The following FDFT1 variants were observed in gnomAD, a reference collection of about 807,000 sequenced individuals.
FDFT1 encodes squalene synthase.
In FDFT1, 68 loss-of-function variants were observed where a neutral mutation model predicts 46.8. The ratio of observed to expected loss-of-function variants is 1.45; its 90% confidence interval spans 1.19 to 1.78. The LOEUF (loss-of-function observed/expected upper bound fraction) is 1.78. Among genes scored for constraint, FDFT1 ranks in the 40% most tolerant of loss-of-function variants. The pLI, the probability that FDFT1 is intolerant of heterozygous loss-of-function variation, is 0.00. For synonymous variants in FDFT1, 351 were observed against 185.1 expected (o/e 1.90, Z -7.28); for missense variants, 928 against 524.4 (o/e 1.77, Z -7.52).
upstream of FDFT1, chr8:11,802,609 C>T (rs941330472): frequency 3.3e-6 from 2 of 597,268 alleles, no homozygotes; most frequent in South Asian, 1.8e-5. Context: ...GCGGCCCTGG[C>T]CAATCAGCGC....
At position 11,838,369 on chromosome 8, in the gene FDFT1, T is replaced by C; in HGVS notation, c.1033-19T>C. 1.3e-6 allele frequency: 2 copies of C among 1,598,994 alleles called. No individual in the cohort carries two copies. Among genetic ancestry groups the C allele is most frequent in the South Asian group, 1.1e-5 (1 of 90,760 alleles). The stretch of plus-strand genomic sequence containing the variant: ...GTAAAGCACATAGCACTTATCATTT[T>C]TTCCTGTGTCTTTAACAGATTTATC... On this transcript the variant is annotated intron_variant, in intron 7 of 7. Coordinates refer to ENST00000220584, the MANE Select transcript of FDFT1 (RefSeq NM_004462.5).
At chr8:11,812,339 C>G (rs1410838139) in intron 3 of FDFT1, among the ~76,000 whole-genome samples, 1 of 152,226 alleles carries the variant, frequency 6.6e-6, no homozygotes, top group East Asian at 1.9e-4. Flanking sequence ...TGACTGTGCC[C>G]TTGGGCCTGA....
At chr8:11,804,054 C>T (rs940357588) in intron 1 of FDFT1, among the ~76,000 whole-genome samples, 8 of 152,162 alleles carry the variant, frequency 5.3e-5, no homozygotes, top group African/African-American at 1.7e-4. Flanking sequence ...TATTTGACGA[C>T]CAGTTGTATA....
intron 3 of FDFT1, among the ~76,000 whole-genome samples, chr8:11,818,978 C>T (rs1019111290): frequency 3.9e-5 from 6 of 152,212 alleles, no homozygotes; most frequent in African/African-American, 1.2e-4. Flanking sequence ...CATGTTTTTG[C>T]AGTGGCTGGT....
chr8:11,836,199 A>AG (rs1475512667), intron 7 of FDFT1, among the ~76,000 whole-genome samples: 1 of 151,758 alleles, frequency 6.6e-6, no homozygotes, highest in Non-Finnish European at 1.5e-5. Flanking sequence ...TACTTACCTG[A>AG]GAAACTATTC....
intron 4 of FDFT1, 54 bp downstream of exon 4, chr8:11,821,932 C>T: frequency 6.3e-7 from 1 of 1,587,242 alleles, no homozygotes; most frequent in Non-Finnish European, 8.6e-7. Context: ...AGCTGGCAGT[C>T]CTCATAGTGA....
intron 3 of FDFT1, among the ~76,000 whole-genome samples, chr8:11,812,673 C>T (rs112140907): frequency 6.6e-6 from 1 of 152,218 alleles, no homozygotes; most frequent in Non-Finnish European, 1.5e-5. Flanking sequence ...TTTTTAGCTA[C>T]ATATAGTATG....
rs1402822369 is a variant in FDFT1, at chr8:11,808,252, G to C, written c.100-542G>C. ...GTAGAGTTTGGTCTAGGGAGACTCT[G>C]TCACTGGGAGGACGAGCGAGCCGCT... On this transcript the variant is annotated intron_variant, in intron 1 of 7. Transcript: ENST00000220584. 5 of 1,206,380 alleles carry C rather than the reference G, an allele frequency of 4.1e-6. No homozygotes were observed. In the African/African-American group the frequency reaches 6.3e-5, roughly 15 times the overall value. The allele number at this position is 1,206,380 out of a possible 1,614,324, so 74.7% of individuals were successfully genotyped here. A position where few individuals can be genotyped will look rare whatever the true frequency, so the allele number is the denominator to read the frequency against.
chr8:11,795,712 C>G (rs144838303), exon 1 of FDFT1: 4 of 152,202 alleles, frequency 2.6e-5, no homozygotes, highest in Non-Finnish European at 4.4e-5. Context: ...TGCAGCTTCA[C>G]TCCTGAAGCC....
At position 11,809,950 on chromosome 8, in the gene FDFT1, C is replaced by G. The variant is rs187395121; in HGVS notation, c.381+100C>G. 34 of 880,198 alleles carry G rather than the reference C, an allele frequency of 3.9e-5. No individual in the cohort carries two copies. The East Asian group carries it at 8.6e-4, about 22-fold the overall frequency. The allele number at this position is 880,198 out of a possible 1,614,324, so 54.5% of individuals were successfully genotyped here. A position where few individuals can be genotyped will look rare whatever the true frequency, so the allele number is the denominator to read the frequency against. Reference sequence around the variant, plus strand: ...TACATGTGGAGAAAGGTTAAATAAGCATTCTGAGGGCAGCATAATGTGAGG... The same window carrying G: ...TACATGTGGAGAAAGGTTAAATAAGGATTCTGAGGGCAGCATAATGTGAGG... On this transcript the variant is annotated intron_variant, in intron 3 of 7. Transcript: ENST00000220584.
At chr8:11,805,798 G>C (rs560705376) in intron 1 of FDFT1, among the ~76,000 whole-genome samples, 16 of 152,292 alleles carry the variant, frequency 1.1e-4, no homozygotes, top group Admixed American at 3.9e-4. Flanking sequence ...GGTTGTATAT[G>C]CATTTTATTG....
At chr8:11,833,754 A>T (rs1410195138) in intron 7 of FDFT1, among the ~76,000 whole-genome samples, 2 of 152,238 alleles carry the variant, frequency 1.3e-5, no homozygotes, top group African/African-American at 4.8e-5. Context: ...GCAACAGGCG[A>T]TGACTTGTAA....
chr8:11,819,554 T>C (rs1455723903), intron 3 of FDFT1, among the ~76,000 whole-genome samples: 1 of 152,122 alleles, frequency 6.6e-6, no homozygotes, highest in African/African-American at 2.4e-5. Flanking sequence ...TTTTCATTCT[T>C]TTTTCTCTAA....
At chr8:11,821,624 C>A (rs1809259083) in intron 3 of FDFT1, 126 bp from the exon 4 acceptor site, 1 of 1,131,658 alleles carries the variant, frequency 8.8e-7, no homozygotes, top group Admixed American at 2.1e-5. Context: ...AAATGTGTGA[C>A]CTAAATTAGG....
intron 5 of FDFT1, among the ~76,000 whole-genome samples, chr8:11,828,890 A>G (rs1810387249): frequency 6.6e-6 from 1 of 152,220 alleles, no homozygotes; most frequent in Non-Finnish European, 1.5e-5. Flanking sequence ...GATAGACCAC[A>G]TTTATCCATT....
chr8:11,799,816 C>G (rs1177308723), upstream of FDFT1, among the ~76,000 whole-genome samples: 2 of 151,558 alleles, frequency 1.3e-5, no homozygotes, highest in East Asian at 3.9e-4. Context: ...CGTGGTGGTA[C>G]ATGCCTGTAG....
At chr8:11,824,573 C>G (rs568709808) in intron 4 of FDFT1, among the ~76,000 whole-genome samples, 1 of 150,594 alleles carries the variant, frequency 6.6e-6, no homozygotes, top group Non-Finnish European at 1.5e-5. Context: ...GACCACTGGC[C>G]TGTGTCACTG....
chr8:11,821,300 A>G (rs1161960666), intron 3 of FDFT1, among the ~76,000 whole-genome samples: 2 of 152,256 alleles, frequency 1.3e-5, no homozygotes, highest in Non-Finnish European at 2.9e-5. Flanking sequence ...ATGAAATAAT[A>G]AGAAACATGA....
intron 5 of FDFT1, among the ~76,000 whole-genome samples, chr8:11,828,408 C>G (rs1016731028): frequency 2.6e-5 from 4 of 152,206 alleles, no homozygotes; most frequent in Non-Finnish European, 4.4e-5. Context: ...TCTTGTCTTA[C>G]CCCTCTTTTG....
Sources: gnomAD v4.1 joint callset for allele counts (sites outside exome capture counted in the v4.1 genomes callset) on GRCh38, gnomAD v4.1.1 for gene constraint, MANE v1.5 for transcripts, NCBI Gene and HGNC (gene_info 2026-07-23, HGNC 2026-07-21) for gene names.